The following PTPRD variants were observed in gnomAD, a reference collection of about 807,000 sequenced individuals.
PTPRD encodes receptor-type tyrosine-protein phosphatase delta.
PTPRD carries 34 observed loss-of-function variants against 214.5 expected under a neutral mutation model. That is an observed-to-expected ratio of 0.16 (90% CI 0.12 to 0.21). The LOEUF is 0.21. Ranked by LOEUF, PTPRD falls within the 10% of genes least tolerant of loss-of-function variation. The pLI is 1.00. For missense variants in PTPRD, 2,545 were observed against 2,398.7 expected, an observed-to-expected ratio of 1.06 and a Z score of -1.27; for synonymous variants, 1,128 against 845.7, an observed-to-expected ratio of 1.33 and a Z score of -5.79.
At chr9:10,022,534 G>A (rs1399705205) in intron 4 of PTPRD, among the ~76,000 whole-genome samples, 1 of 152,152 alleles carries the variant, frequency 6.6e-6, no homozygotes, top group Non-Finnish European at 1.5e-5. Flanking sequence ...GCCATTGAAA[G>A]TAATGGCATT....
At chr9:9,273,018 A>T (rs1943560314) in intron 9 of PTPRD, among the ~76,000 whole-genome samples, 2 of 151,352 alleles carry the variant, frequency 1.3e-5, no homozygotes, top group Admixed American at 1.3e-4. Flanking sequence ...TGGATAAAAG[A>T]AACACCACAT....
At chr9:8,451,042 T>C (rs2095922254) in intron 33 of PTPRD, among the ~76,000 whole-genome samples, 1 of 152,120 alleles carries the variant, frequency 6.6e-6, no homozygotes, top group African/African-American at 2.4e-5. Context: ...TCTCATTCAA[T>C]GCCACCCAGG....
chr9:9,544,617 C>T (rs1256094723), intron 8 of PTPRD, among the ~76,000 whole-genome samples: 1 of 151,450 alleles, frequency 6.6e-6, no homozygotes, highest in East Asian at 1.9e-4. Context: ...ACATTTTAAC[C>T]AAAAATATTT....
chr9:10,336,505 G>A (rs995566794), intron 3 of PTPRD, among the ~76,000 whole-genome samples: 2 of 151,514 alleles, frequency 1.3e-5, no homozygotes, highest in Non-Finnish European at 3.0e-5. Flanking sequence ...AAAGAGCCAG[G>A]ATTAGCAAGC....
chr9:10,227,079 A>G (rs1444593920), intron 3 of PTPRD, among the ~76,000 whole-genome samples: 2 of 151,998 alleles, frequency 1.3e-5, no homozygotes, highest in East Asian at 3.9e-4. Context: ...CTCAACCTCA[A>G]TATTGACTAT....
rs1196784892 is a variant in PTPRD at position 9,424,140 on chromosome 9, TGAAGG to T, written c.-236-26663_-236-26659del. On this transcript the variant is annotated intron_variant, in intron 8 of 45. Coordinates refer to ENST00000381196, the MANE Select transcript of PTPRD (RefSeq NM_002839.4). ...CAATGACATGAAGATCTGGACCACT[TGAAGG>T]GACATCCTAGCTCCAGAGCTGCCCG... is the stretch of plus-strand genomic sequence containing the variant. Among the ~76,000 whole-genome samples the T allele has an allele frequency of 2.0e-5, 3 of 152,322 alleles. No individual in the cohort carries two copies. The East Asian group carries it at 5.8e-4, about 29-fold the overall frequency.
chr9:9,984,847 G>C (rs906880185), intron 4 of PTPRD, among the ~76,000 whole-genome samples: 1 of 151,984 alleles, frequency 6.6e-6, no homozygotes, highest in African/African-American at 2.4e-5. Flanking sequence ...AGCATGGCTG[G>C]GCAAGCATCA....
rs1841520172 is a variant in PTPRD, at chr9:8,331,843, G to T, written c.5380-107C>A. 1.3e-5 allele frequency: 17 copies of T among 1,350,460 alleles called. No homozygotes were observed. The South Asian group carries it at 2.4e-4, about 19-fold the overall frequency. The allele number at this position is 1,350,460 out of a possible 1,614,324, so 83.7% of individuals were successfully genotyped here. On this transcript the variant is annotated intron_variant, in intron 43 of 45. Transcript: ENST00000381196. ...ATTTTCATTTCCCGAAAACAAAAAG[G>T]GTAGAAAAAGTTAGGAACATGTTTA...
At chr9:8,463,873 T>C (rs151298949) in intron 32 of PTPRD, among the ~76,000 whole-genome samples, 284 of 152,052 alleles carry the variant, frequency 1.9e-3, no homozygotes, top group Non-Finnish European at 2.7e-3. Flanking sequence ...ACAAAGGCTT[T>C]ATTACTGCAA....
intron 44 of PTPRD, among the ~76,000 whole-genome samples, chr9:8,327,772 C>G (rs1001070024): frequency 6.7e-6 from 1 of 149,916 alleles, no homozygotes; most frequent in Non-Finnish European, 1.5e-5. Context: ...ATTGCATTGA[C>G]CTCTGTACGT....
intron 7 of PTPRD, among the ~76,000 whole-genome samples, chr9:9,673,765 T>C (rs1594877376): frequency 6.8e-6 from 1 of 147,704 alleles, no homozygotes; most frequent in South Asian, 2.1e-4. Context: ...ACTTCAATGG[T>C]AGAAATACAG....
intron 2 of PTPRD, among the ~76,000 whole-genome samples, chr9:10,512,257 G>C (rs1446533665): frequency 2.0e-5 from 3 of 151,880 alleles, no homozygotes; most frequent in Non-Finnish European, 4.4e-5. Flanking sequence ...GATAGAGTAA[G>C]TAATGAAATG....
At chr9:9,301,465 G>T (rs1955264319) in intron 9 of PTPRD, among the ~76,000 whole-genome samples, 1 of 150,942 alleles carries the variant, frequency 6.6e-6, no homozygotes, top group Non-Finnish European at 1.5e-5. Flanking sequence ...ACAGTGAGAA[G>T]CATAACAGTG....
At chr9:10,478,576 C>T (rs1224655074) in intron 2 of PTPRD, among the ~76,000 whole-genome samples, 1 of 152,078 alleles carries the variant, frequency 6.6e-6, no homozygotes, top group Non-Finnish European at 1.5e-5. Flanking sequence ...TATCTTATTA[C>T]ATTAGTGAAC....
chr9:10,085,876 C>T (rs989249877), intron 3 of PTPRD, among the ~76,000 whole-genome samples: 11 of 151,700 alleles, frequency 7.3e-5, no homozygotes, highest in Admixed American at 2.0e-4. Context: ...TATTTCAGGG[C>T]AGTGTGATGA....
intron 8 of PTPRD, among the ~76,000 whole-genome samples, chr9:9,450,010 T>C (rs1218203731): frequency 6.6e-6 from 1 of 152,010 alleles, no homozygotes; most frequent in East Asian, 1.9e-4. Flanking sequence ...TGAGTTACTT[T>C]ACTTAGAACA....
rs889189873 is a variant in PTPRD, at chr9:9,841,932, A to G, written c.-367-75081T>C. 2.0e-5 allele frequency among the ~76,000 whole-genome samples: 3 copies of G among 152,092 alleles called. No individual in the cohort carries two copies. In the South Asian group the frequency reaches 6.2e-4, roughly 32 times the overall value. On this transcript the variant is annotated intron_variant, in intron 5 of 45. Transcript: ENST00000381196. ...TCCTTAAATATGTTGGAAAGTACACATAAGTACTCATGTTAAAAACATTTT... is the reference window on the plus strand; with the variant it reads ...TCCTTAAATATGTTGGAAAGTACACGTAAGTACTCATGTTAAAAACATTTT...
chr9:10,429,120 C>G (rs967099466), intron 2 of PTPRD, among the ~76,000 whole-genome samples: 3 of 151,788 alleles, frequency 2.0e-5, no homozygotes, highest in Admixed American at 6.6e-5. Context: ...AAAATAACTA[C>G]AGTATTTAAT....
At chr9:9,910,721 T>C (rs77477359) in intron 5 of PTPRD, among the ~76,000 whole-genome samples, 2,315 of 152,152 alleles carry the variant, frequency 0.015, 32 homozygotes, top group Admixed American at 0.024. Context: ...ATGAGATCAT[T>C]TGATACAAAA....
Sources: gnomAD v4.1 joint callset for allele counts (sites outside exome capture counted in the v4.1 genomes callset) on GRCh38, gnomAD v4.1.1 for gene constraint, MANE v1.5 for transcripts, NCBI Gene and HGNC (gene_info 2026-07-23, HGNC 2026-07-21) for gene names.